Variants in EGFLAM observed in about 807,000 individuals in gnomAD.
EGFLAM encodes the protein pikachurin.
Under a neutral mutation model 113.1 loss-of-function variants are expected in EGFLAM, and 79 were observed. That is an observed-to-expected ratio of 0.70 (90% confidence interval 0.58 to 0.84). The LOEUF is 0.84. EGFLAM is among the 40% of genes least tolerant of loss of function. The pLI is 0.00. For missense variants in EGFLAM, 1,265 were observed against 1,291.6 expected, an observed-to-expected ratio of 0.98 and a Z score of 0.32; for synonymous variants, 504 against 487.6, an observed-to-expected ratio of 1.03 and a Z score of -0.44.
intron 1 of EGFLAM, among the ~76,000 whole-genome samples, chr5:38,273,668 T>C (rs1757819209): frequency 6.6e-6 from 1 of 152,214 alleles, no homozygotes; most frequent in South Asian, 2.1e-4. Flanking sequence ...GTAATTGCAG[T>C]CTTGGGGACC....
chr5:38,412,079 C>T lies in EGFLAM; in HGVS notation c.1350-425C>T, dbSNP rs548113323. On this transcript the variant is annotated intron_variant, in intron 10 of 21. Transcript: ENST00000322350. ...CCTTCCAAAGTGCTGGGATTACAGA[C>T]GTAACTCACCATGCCTGGCCTAATG... Among the ~76,000 whole-genome samples, 10 of 152,278 alleles carry T rather than the reference C, an allele frequency of 6.6e-5. No individual in the cohort carries two copies. In the East Asian group the frequency reaches 1.7e-3, roughly 27 times the overall value.
intron 10 of EGFLAM, among the ~76,000 whole-genome samples, chr5:38,410,591 T>C (rs1453003479): frequency 1.3e-5 from 2 of 152,150 alleles, no homozygotes; most frequent in East Asian, 3.9e-4. Context: ...TCAGGATCCA[T>C]GTGGAAGAGG....
At chr5:38,337,350 G>A (rs1474910616) in intron 1 of EGFLAM, among the ~76,000 whole-genome samples, 170 bp from the exon 2 acceptor site, 1 of 152,214 alleles carries the variant, frequency 6.6e-6, no homozygotes, top group Non-Finnish European at 1.5e-5. Flanking sequence ...ATAGCAAAGT[G>A]AGTGAGGTCA....
chr5:38,332,469 A>G (rs1739071498), intron 1 of EGFLAM, among the ~76,000 whole-genome samples: 2 of 152,270 alleles, frequency 1.3e-5, no homozygotes, highest in East Asian at 3.9e-4. Flanking sequence ...CCCAGTGCCG[A>G]GACCAGCTTG....
rs753921320 is a variant in EGFLAM at position 38,418,074 on chromosome 5, C to A, written c.1503C>A (p.Tyr501Ter). The change falls in exon 12 of 22, where the codon TAC (tyrosine) becomes TAA (stop). Residue 501 changes from tyrosine (Y) to a stop codon, truncating the protein, a stop_gained. Transcript: ENST00000322350. LOFTEE classifies it high-confidence loss of function. ...GGTCATCTTTCTTAAAGGGCCAATA[C>A]AGTAAAATTACTTTCCGGACACCTC... ...TPVTGQSQGQ[Y>*]SKITFRTPLY... 2 of 1,613,430 alleles carry A rather than the reference C, an allele frequency of 1.2e-6. No individual in the cohort carries two copies. The highest frequency in any genetic ancestry group is 1.7e-6 in the Non-Finnish European group (2 of 1,179,714).
intron 1 of EGFLAM, among the ~76,000 whole-genome samples, chr5:38,315,332 G>A (rs1048924167): frequency 3.9e-5 from 6 of 152,030 alleles, no homozygotes; most frequent in African/African-American, 7.2e-5. Flanking sequence ...AATTCATCAC[G>A]CTTTATTGTG....
chr5:38,345,049 T>A (rs185782054), intron 3 of EGFLAM, among the ~76,000 whole-genome samples: 1 of 152,158 alleles, frequency 6.6e-6, no homozygotes, highest in African/African-American at 2.4e-5. Context: ...GAAAAGGCAG[T>A]TGAACATCTG....
rs118056939 is a variant in EGFLAM, at chr5:38,434,837, C to A, written c.2167-300C>A. On this transcript the variant is annotated intron_variant, in intron 15 of 21. Transcript: ENST00000322350. ...TCCTGTGGGGAGGGGTACCTGTGAA[C>A]GGTAGTGCAGTCTGCCACAGTCATC... Among the ~76,000 whole-genome samples, 8 of 152,278 alleles carry A rather than the reference C, an allele frequency of 5.3e-5. No individual in the cohort carries two copies. The East Asian group carries it at 1.5e-3, about 29-fold the overall frequency.
At position 38,350,407 on chromosome 5, in the gene EGFLAM, C is replaced by T. The variant is rs535242536; in HGVS notation, c.292-94C>T. 148 of 1,222,348 alleles carry T rather than the reference C, an allele frequency of 1.2e-4. No individual in the cohort carries two copies. The South Asian group carries it at 2.0e-3, about 17-fold the overall frequency. 75.7% of individuals were successfully genotyped at this position (1,222,348 alleles called of 1,614,324 possible). On this transcript the variant is annotated intron_variant, in intron 3 of 21. Transcript: ENST00000322350. ...ACATTCTCTGTGCCAAGCAGTTTCA[C>T]AGGGGCCTCGAGATATAAACCTCAT...
chr5:38,378,349 G>C (rs62353607), intron 6 of EGFLAM, among the ~76,000 whole-genome samples: 7,334 of 152,194 alleles, frequency 0.048, 218 homozygotes, highest in Middle Eastern at 0.095. Context: ...TTGCCCATCT[G>C]CCTGGAGACC....
chr5:38,335,685 G>A (rs57152394), intron 1 of EGFLAM, among the ~76,000 whole-genome samples: 1 of 152,182 alleles, frequency 6.6e-6, no homozygotes, highest in Non-Finnish European at 1.5e-5. Flanking sequence ...ACAATCGTAG[G>A]TGTATATGGG....
At chr5:38,344,525 T>A (rs1739427235) in intron 3 of EGFLAM, among the ~76,000 whole-genome samples, 1 of 151,988 alleles carries the variant, frequency 6.6e-6, no homozygotes, top group Non-Finnish European at 1.5e-5. Context: ...TTTCTTGGGC[T>A]CTTCTTACAT....
At chr5:38,329,821 C>T (rs1158162434) in intron 1 of EGFLAM, among the ~76,000 whole-genome samples, 1 of 152,156 alleles carries the variant, frequency 6.6e-6, no homozygotes, top group Admixed American at 6.6e-5. Flanking sequence ...AATTATCACA[C>T]CCAATTGTAA....
rs1310985895 is a variant in EGFLAM, at chr5:38,464,830, T to A, written c.*844T>A. On this transcript the variant is annotated 3_prime_UTR_variant, in exon 22 of 22. Coordinates refer to ENST00000322350, the MANE Select transcript of EGFLAM (RefSeq NM_152403.4). ...CAGTGGAATGGATAGGTAACTTGGGTGGGCAACTTGGGGAGCTGACCATTC... is the reference window on the plus strand; with the variant it reads ...CAGTGGAATGGATAGGTAACTTGGGAGGGCAACTTGGGGAGCTGACCATTC... The A allele has an allele frequency of 6.6e-6, 1 of 152,208 alleles. No homozygotes were observed. The highest frequency in any genetic ancestry group is 1.5e-5 in the Non-Finnish European group (1 of 68,038). 9.4% of individuals were successfully genotyped at this position (152,208 alleles called of 1,614,324 possible). A position where few individuals can be genotyped will look rare whatever the true frequency, so the allele number is the denominator to read the frequency against.
intron 5 of EGFLAM, among the ~76,000 whole-genome samples, chr5:38,359,945 A>T (rs1239599794): frequency 1.3e-5 from 2 of 152,216 alleles, no homozygotes; most frequent in Non-Finnish European, 2.9e-5. Flanking sequence ...GGTGGACTGC[A>T]GTACCTACAT....
At chr5:38,303,646 C>A (rs1174360484) in intron 1 of EGFLAM, among the ~76,000 whole-genome samples, 5 of 152,120 alleles carry the variant, frequency 3.3e-5, no homozygotes, top group African/African-American at 7.2e-5. Context: ...TTGTATATGT[C>A]AAAAATATTT....
intron 6 of EGFLAM, among the ~76,000 whole-genome samples, chr5:38,379,828 G>GA (rs34833258): frequency 0.05 from 7,071 of 140,158 alleles, 204 homozygotes; most frequent in Middle Eastern, 0.086. Flanking sequence ...CAGGCAAAAG[G>GA]AAAAAAAAAA....
intron 1 of EGFLAM, among the ~76,000 whole-genome samples, chr5:38,335,421 T>C (rs1212633429): frequency 1.3e-5 from 2 of 152,214 alleles, no homozygotes; most frequent in Admixed American, 6.5e-5. Context: ...CTCTTTTCTA[T>C]GATCCTATCC....
At chr5:38,338,861 A>C in intron 3 of EGFLAM, 80 bp downstream of exon 3, 1 of 1,114,818 alleles carries the variant, frequency 9.0e-7, no homozygotes, top group African/African-American at 1.5e-5. Flanking sequence ...TGTGTGTGCT[A>C]CTGTACATGT....
Sources: gnomAD v4.1 joint callset for allele counts (sites outside exome capture counted in the v4.1 genomes callset) on GRCh38, gnomAD v4.1.1 for gene constraint, MANE v1.5 for transcripts, NCBI Gene and HGNC (gene_info 2026-07-23, HGNC 2026-07-21) for gene names.